The following VTI1A variants were observed in gnomAD, a reference collection of about 807,000 sequenced individuals.
VTI1A encodes the protein vesicle transport through interaction with t-SNAREs homolog 1A.
VTI1A carries 22 observed loss-of-function variants against 34.9 expected under a neutral mutation model. The ratio of observed to expected loss-of-function variants is 0.63; its 90% CI spans 0.45 to 0.90. VTI1A has a LOEUF of 0.90. VTI1A is among the 40% of genes least tolerant of loss of function. The probability of loss-of-function intolerance (pLI) is 0.00; values close to 1 mark genes in which losing one functional copy is unlikely to be tolerated. For missense variants in VTI1A, 268 were observed against 275.6 expected, an observed-to-expected ratio of 0.97 and a Z score of 0.20; for synonymous variants, 87 against 97.3, an observed-to-expected ratio of 0.89 and a Z score of 0.62.
At chr10:112,665,227 T>C (rs1195171555) in intron 5 of VTI1A, among the ~76,000 whole-genome samples, 1 of 152,154 alleles carries the variant, frequency 6.6e-6, no homozygotes, top group East Asian at 1.9e-4. Flanking sequence ...CAAGATAGTC[T>C]ATATTTAAAA....
chr10:112,780,842 C>G (rs1335093250), intron 7 of VTI1A, among the ~76,000 whole-genome samples: 1 of 152,160 alleles, frequency 6.6e-6, no homozygotes, highest in Non-Finnish European at 1.5e-5. Context: ...TCCCCGGGCA[C>G]CCCAGTGTTC....
intron 7 of VTI1A, chr10:112,737,758 C>T: frequency 9.4e-7 from 1 of 1,059,312 alleles, no homozygotes; most frequent in Non-Finnish European, 1.1e-6. Context: ...CCTCTCAGGA[C>T]ATACTTCTGG....
intron 5 of VTI1A, among the ~76,000 whole-genome samples, chr10:112,647,929 C>A (rs773291575): frequency 2.8e-4 from 43 of 152,222 alleles, no homozygotes; most frequent in Middle Eastern, 3.4e-3. Flanking sequence ...GCCACCGCAC[C>A]CAGCTAATTT....
At chr10:112,764,266 T>C (rs910281717) in intron 7 of VTI1A, among the ~76,000 whole-genome samples, 9 of 152,172 alleles carry the variant, frequency 5.9e-5, no homozygotes, top group Non-Finnish European at 1.3e-4. Flanking sequence ...AATCAGTGCC[T>C]GCGGTACTTG....
intron 7 of VTI1A, among the ~76,000 whole-genome samples, chr10:112,714,122 T>G (rs1849524831): frequency 6.6e-6 from 1 of 152,168 alleles, no homozygotes; most frequent in African/African-American, 2.4e-5. Flanking sequence ...AAGACACTAC[T>G]GCTACTGAGA....
At chr10:112,809,525 G>A (rs1387945615) in intron 7 of VTI1A, among the ~76,000 whole-genome samples, 1 of 152,200 alleles carries the variant, frequency 6.6e-6, no homozygotes, top group African/African-American at 2.4e-5. Context: ...ATGCTGCTCT[G>A]AACCTGTAAA....
chr10:112,554,336 A>G (rs553814656), intron 5 of VTI1A, among the ~76,000 whole-genome samples: 5 of 152,322 alleles, frequency 3.3e-5, no homozygotes, highest in Non-Finnish European at 7.4e-5. Flanking sequence ...TCTGGATGGA[A>G]TCCTGGAACA....
chr10:112,731,529 C>T (rs540937672), intron 7 of VTI1A, among the ~76,000 whole-genome samples: 1 of 150,148 alleles, frequency 6.7e-6, no homozygotes, highest in Admixed American at 6.6e-5. Context: ...GAGCCGAGAT[C>T]GTGCCACTAC....
intron 7 of VTI1A, among the ~76,000 whole-genome samples, chr10:112,750,935 A>T (rs1314971139): frequency 1.3e-5 from 2 of 152,328 alleles, no homozygotes; most frequent in African/African-American, 2.4e-5. Flanking sequence ...TTCCACAGAC[A>T]CACGTACCAC....
intron 3 of VTI1A, among the ~76,000 whole-genome samples, chr10:112,519,968 A>G (rs1300547081): frequency 1.3e-5 from 2 of 152,180 alleles, no homozygotes; most frequent in East Asian, 1.9e-4. Flanking sequence ...GTATACACTT[A>G]TATACTTTGT....
At chr10:112,755,995 C>T (rs995295792) in intron 7 of VTI1A, among the ~76,000 whole-genome samples, 36 of 152,056 alleles carry the variant, frequency 2.4e-4, no homozygotes, top group African/African-American at 8.2e-4. Context: ...GTACCAAAAG[C>T]AGCCTGCCAC....
intron 7 of VTI1A, among the ~76,000 whole-genome samples, chr10:112,753,235 A>G (rs1564912215): frequency 6.6e-6 from 1 of 151,772 alleles, no homozygotes; most frequent in African/African-American, 2.4e-5. Flanking sequence ...GTTTATACAC[A>G]TAAGAGAAAC....
Position 112,669,829 on chromosome 10 carries a change from A to G in VTI1A, c.560+831A>G, listed in dbSNP as rs1278595483. 2.6e-5 allele frequency among the ~76,000 whole-genome samples: 4 copies of G among 152,176 alleles called. No individual in the cohort carries two copies. The South Asian group carries it at 8.3e-4, about 32-fold the overall frequency. On this transcript the variant is annotated intron_variant, in intron 7 of 7. Transcript: ENST00000393077. The stretch of plus-strand genomic sequence containing the variant: ...TAACTAAAGTCTTGTCTGATCACAT[A>G]TCCATATACAATAGTTTGCTAAAAG...
In VTI1A at chr10:112,639,461, C is replaced by G. The variant is rs549327557; in HGVS notation, c.428-28757C>G. On this transcript the variant is annotated intron_variant, in intron 5 of 7. Transcript: ENST00000393077. ...GCTCTTTGAACATGTTTGTATTTCT[C>G]TCCTCATGTTAACATCATCATTTTG... 1.2e-4 allele frequency among the ~76,000 whole-genome samples: 18 copies of G among 152,266 alleles called. No homozygotes were observed. The East Asian group carries it at 3.3e-3, about 28-fold the overall frequency.
intron 5 of VTI1A, among the ~76,000 whole-genome samples, chr10:112,577,597 A>G (rs1190145219): frequency 6.6e-6 from 1 of 152,248 alleles, no homozygotes; most frequent in Non-Finnish European, 1.5e-5. Flanking sequence ...GTGAACAAAT[A>G]ACATGCCAAG....
intron 1 of VTI1A, among the ~76,000 whole-genome samples, chr10:112,451,299 C>A (rs887590222): frequency 1.3e-5 from 2 of 152,140 alleles, no homozygotes; most frequent in African/African-American, 4.8e-5. Flanking sequence ...ATGTAACACA[C>A]TAGCACCCTT....
intron 7 of VTI1A, chr10:112,737,874 T>C (rs1850551840): frequency 1.9e-6 from 2 of 1,061,814 alleles, no homozygotes; most frequent in Admixed American, 1.1e-4. Flanking sequence ...AGCTGAGCCG[T>C]AGGATCGATG....
chr10:112,592,884 T>TA (rs1264342882), intron 5 of VTI1A, among the ~76,000 whole-genome samples: 2 of 152,236 alleles, frequency 1.3e-5, no homozygotes, highest in Non-Finnish European at 2.9e-5. Flanking sequence ...AGACTTGTGT[T>TA]ACGTTCCATG....
At chr10:112,608,774 A>T (rs142507455) in intron 5 of VTI1A, among the ~76,000 whole-genome samples, 1 of 152,162 alleles carries the variant, frequency 6.6e-6, no homozygotes, top group Non-Finnish European at 1.5e-5. Flanking sequence ...CTGATGCACT[A>T]TGTCTGACCT....
Sources: allele counts gnomAD v4.1 joint callset (sites outside exome capture counted in the v4.1 genomes callset), GRCh38; gene constraint gnomAD v4.1.1; transcripts MANE v1.5; gene names NCBI Gene and HGNC (gene_info 2026-07-23, HGNC 2026-07-21).